ACYP2: variants seen among roughly 807,000 people sequenced by gnomAD.
ACYP2 encodes acylphosphatase-2.
A neutral mutation model predicts 11.2 loss-of-function variants in ACYP2; 12 were observed. The ratio of observed to expected loss-of-function variants is 1.08; its 90% CI spans 0.69 to 1.74. ACYP2 has a LOEUF of 1.74. Among genes scored for constraint, ACYP2 ranks in the 40% most tolerant of loss-of-function variants. The pLI is 0.00. For missense variants in ACYP2, 134 were observed against 101.9 expected, an observed-to-expected ratio of 1.31 and a Z score of -1.35; for synonymous variants, 43 against 32.2, an observed-to-expected ratio of 1.33 and a Z score of -1.13.
At chr2:54,201,335 G>A (rs1474341097) in intron 6 of ACYP2, among the ~76,000 whole-genome samples, 2 of 152,080 alleles carry the variant, frequency 1.3e-5, no homozygotes, top group Non-Finnish European at 2.9e-5. Flanking sequence ...TCAATCTCCT[G>A]ACCTCGTGAT....
intron 2 of ACYP2, among the ~76,000 whole-genome samples, chr2:53,990,339 G>A (rs1431225215): frequency 6.6e-6 from 1 of 151,870 alleles, no homozygotes; most frequent in Non-Finnish European, 1.5e-5. Context: ...CTTCTAACAA[G>A]CAAGATAGTT....
chr2:54,161,510 C>T (rs962462024), intron 6 of ACYP2, among the ~76,000 whole-genome samples: 1 of 152,114 alleles, frequency 6.6e-6, no homozygotes. Context: ...CTGTCATCTC[C>T]ATGAATGCCT....
At chr2:54,168,237 C>A (rs1281081300) in intron 6 of ACYP2, among the ~76,000 whole-genome samples, 1 of 151,816 alleles carries the variant, frequency 6.6e-6, no homozygotes, top group Non-Finnish European at 1.5e-5. Context: ...CCAGCCTGGC[C>A]AACATGGTGA....
At chr2:53,979,338 T>G (rs892668475) in intron 2 of ACYP2, among the ~76,000 whole-genome samples, 2 of 151,928 alleles carry the variant, frequency 1.3e-5, no homozygotes, top group East Asian at 3.9e-4. Context: ...CATAAAAAAT[T>G]AGGATACAAG....
At chr2:54,243,091 A>G (rs1049424922) in intron 6 of ACYP2, among the ~76,000 whole-genome samples, 1 of 152,220 alleles carries the variant, frequency 6.6e-6, no homozygotes, top group Non-Finnish European at 1.5e-5. Context: ...GTGATATGAG[A>G]TGACAATATT....
At chr2:54,073,053 A>C (rs1677149619) in intron 4 of ACYP2, among the ~76,000 whole-genome samples, 1 of 152,208 alleles carries the variant, frequency 6.6e-6, no homozygotes, top group Non-Finnish European at 1.5e-5. Flanking sequence ...TGATCAGTAG[A>C]CTAGAATTGA....
At chr2:54,015,803 T>A (rs967670577) in intron 2 of ACYP2, among the ~76,000 whole-genome samples, 16 of 152,120 alleles carry the variant, frequency 1.1e-4, no homozygotes, top group Non-Finnish European at 8.8e-5. Context: ...TAATCTACTC[T>A]GTAATCTAGA....
At chr2:54,068,474 C>T (rs950172540) in intron 4 of ACYP2, among the ~76,000 whole-genome samples, 3 of 152,092 alleles carry the variant, frequency 2.0e-5, no homozygotes, top group African/African-American at 7.2e-5. Flanking sequence ...AACTCAGAAG[C>T]TGTGGGATGG....
At chr2:54,056,902 C>A (rs1676181804) in intron 3 of ACYP2, among the ~76,000 whole-genome samples, 1 of 152,086 alleles carries the variant, frequency 6.6e-6, no homozygotes, top group African/African-American at 2.4e-5. Context: ...TTGTGTAAGA[C>A]AAATGCTTTT....
intron 6 of ACYP2, chr2:54,267,383 T>G (rs1041371327): frequency 6.5e-7 from 1 of 1,538,628 alleles, no homozygotes; most frequent in East Asian, 2.5e-5. Context: ...GTTTCTACTT[T>G]CAAATGAGAA....
intron 2 of ACYP2, among the ~76,000 whole-genome samples, chr2:54,033,593 A>C (rs556796984): frequency 3.3e-5 from 5 of 152,178 alleles, no homozygotes; most frequent in Non-Finnish European, 7.4e-5. Flanking sequence ...GGTTTTGCCT[A>C]ATGTGTGAGA....
intron 6 of ACYP2, among the ~76,000 whole-genome samples, chr2:54,198,507 T>A (rs544356592): frequency 7.3e-5 from 11 of 151,366 alleles, no homozygotes; most frequent in Admixed American, 4.6e-4. Flanking sequence ...GGGAAGAGAG[T>A]ACTATTAAAG....
At chr2:54,110,635 T>A (rs1211594218) in intron 4 of ACYP2, among the ~76,000 whole-genome samples, 1 of 152,156 alleles carries the variant, frequency 6.6e-6, no homozygotes, top group Non-Finnish European at 1.5e-5. Context: ...AGGGGCATTT[T>A]AAAAGAGTTT....
At chr2:54,260,296 T>A (rs1220129261) in intron 6 of ACYP2, among the ~76,000 whole-genome samples, 1 of 151,976 alleles carries the variant, frequency 6.6e-6, no homozygotes, top group Non-Finnish European at 1.5e-5. Flanking sequence ...CAACAGGCAG[T>A]GGGAGTCTGA....
intron 6 of ACYP2, among the ~76,000 whole-genome samples, chr2:54,297,281 C>T (rs565051579): frequency 2.7e-4 from 40 of 148,204 alleles, no homozygotes; most frequent in African/African-American, 1.0e-3. Context: ...ATCACTTGAG[C>T]CCAGGAGTTT....
intron 2 of ACYP2, among the ~76,000 whole-genome samples, chr2:54,050,479 T>C (rs1675786176): frequency 6.7e-6 from 1 of 149,962 alleles, no homozygotes; most frequent in Non-Finnish European, 1.5e-5. Context: ...AGCCCAGGAG[T>C]TGGAGGCTGC....
At chr2:54,163,000 T>C (rs1682792314) in intron 6 of ACYP2, among the ~76,000 whole-genome samples, 1 of 152,018 alleles carries the variant, frequency 6.6e-6, no homozygotes, top group African/African-American at 2.4e-5. Context: ...AAAAGAAAAA[T>C]TACTCTGTAC....
intron 6 of ACYP2, among the ~76,000 whole-genome samples, chr2:54,252,477 G>A (rs1304941907): frequency 6.6e-6 from 1 of 152,126 alleles, no homozygotes; most frequent in African/African-American, 2.4e-5. Context: ...TAAAGTATCT[G>A]TACAAAGCTG....
chr2:54,066,174 G>C (rs967131035), intron 4 of ACYP2: 1 of 152,214 alleles, frequency 6.6e-6, no homozygotes, highest in Non-Finnish European at 1.5e-5. Flanking sequence ...GACCTGGTGG[G>C]AAGTGATTGG....
Sources: allele counts gnomAD v4.1 joint callset (sites outside exome capture counted in the v4.1 genomes callset), GRCh38; gene constraint gnomAD v4.1.1; transcripts MANE v1.5; gene names NCBI Gene and HGNC (gene_info 2026-07-23, HGNC 2026-07-21).